Variants in SORCS1 observed in about 807,000 individuals in gnomAD.
The protein encoded by SORCS1 is sortilin related VPS10 domain containing receptor 1.
Under a neutral mutation model 146.1 loss-of-function variants are expected in SORCS1, and 60 were observed. That is an observed-to-expected ratio of 0.41 (90% CI 0.33 to 0.51). SORCS1 has a LOEUF of 0.51. Ranked by LOEUF, SORCS1 falls within the 20% of genes least tolerant of loss-of-function variation. The pLI is 0.21. For synonymous variants in SORCS1, 637 were observed against 584.0 expected, an observed-to-expected ratio of 1.09 and a Z score of -1.31; for missense variants, 1,352 against 1,487.6, an observed-to-expected ratio of 0.91 and a Z score of 1.50.
chr10:106,970,572 T>C (rs1955734378), intron 1 of SORCS1, among the ~76,000 whole-genome samples: 1 of 151,734 alleles, frequency 6.6e-6, no homozygotes, highest in South Asian at 2.1e-4. Context: ...GGACTCCTGA[T>C]CTCAGGTGAT....
chr10:106,878,768 A>G (rs1950701241), intron 2 of SORCS1, among the ~76,000 whole-genome samples: 2 of 150,858 alleles, frequency 1.3e-5, no homozygotes, highest in South Asian at 2.1e-4. Context: ...TTACATATAA[A>G]AATTTCTAGG....
At chr10:107,131,286 C>G (rs1010518406) in intron 1 of SORCS1, among the ~76,000 whole-genome samples, 25 of 152,196 alleles carry the variant, frequency 1.6e-4, no homozygotes, top group African/African-American at 6.0e-4. Context: ...CTGCCTTATC[C>G]TCTGACCCAA....
chr10:107,021,239 G>A (rs141388774), intron 1 of SORCS1, among the ~76,000 whole-genome samples: 53 of 152,124 alleles, frequency 3.5e-4, no homozygotes, highest in African/African-American at 1.2e-3. Context: ...TTGGCCAGGC[G>A]TGGTGGCTCA....
intron 1 of SORCS1, among the ~76,000 whole-genome samples, chr10:107,069,159 G>C (rs1023196891): frequency 6.6e-6 from 1 of 152,154 alleles, no homozygotes; most frequent in African/African-American, 2.4e-5. Flanking sequence ...GTCCAGAGGA[G>C]TGCAGCATCC....
intron 21 of SORCS1, among the ~76,000 whole-genome samples, chr10:106,614,403 G>A (rs948339578): frequency 1.3e-5 from 2 of 152,128 alleles, no homozygotes; most frequent in Non-Finnish European, 1.5e-5. Flanking sequence ...CGAAGACTCT[G>A]ACTTTATAAG....
chr10:107,083,307 A>G (rs1464219535), intron 1 of SORCS1, among the ~76,000 whole-genome samples: 1 of 152,132 alleles, frequency 6.6e-6, no homozygotes, highest in Non-Finnish European at 1.5e-5. Flanking sequence ...GCAACATCCT[A>G]TGAGGTAAAA....
At chr10:106,596,694 G>A (rs924013154) in intron 24 of SORCS1, among the ~76,000 whole-genome samples, 1 of 152,102 alleles carries the variant, frequency 6.6e-6, no homozygotes, top group Admixed American at 6.5e-5. Context: ...GAAACGTAAA[G>A]AAAGAAAATT....
chr10:106,672,788 C>T, intron 15 of SORCS1, 80 bp downstream of exon 15: 1 of 1,224,478 alleles, frequency 8.2e-7, no homozygotes, highest in Non-Finnish European at 1.2e-6. Flanking sequence ...ATCCTAGTTC[C>T]TATACCTTAG....
chr10:106,752,138 A>G (rs1324343119), intron 5 of SORCS1, among the ~76,000 whole-genome samples: 1 of 152,220 alleles, frequency 6.6e-6, no homozygotes, highest in East Asian at 1.9e-4. Context: ...ACACCTGAAT[A>G]TGTTCATCCT....
chr10:106,833,137 C>T (rs1435284788), intron 2 of SORCS1, among the ~76,000 whole-genome samples: 2 of 152,090 alleles, frequency 1.3e-5, no homozygotes, highest in African/African-American at 2.4e-5. Flanking sequence ...TATTATTGGA[C>T]ATTTTTATCT....
chr10:106,629,581 C>T (rs923376645), intron 18 of SORCS1, among the ~76,000 whole-genome samples, 193 bp from the exon 19 acceptor site: 6 of 152,138 alleles, frequency 3.9e-5, no homozygotes, highest in Admixed American at 1.3e-4. Context: ...GAGTTTGCTA[C>T]GATGGATACA....
At chr10:107,078,793 T>C (rs1329320189) in intron 1 of SORCS1, among the ~76,000 whole-genome samples, 1 of 152,244 alleles carries the variant, frequency 6.6e-6, no homozygotes, top group Non-Finnish European at 1.5e-5. Context: ...GGCCACTTAC[T>C]GTTTCACTGT....
At chr10:106,776,465 T>C (rs1396687337) in intron 4 of SORCS1, 69 bp downstream of exon 4, 4 of 1,573,972 alleles carry the variant, frequency 2.5e-6, no homozygotes, top group South Asian at 1.2e-5. Flanking sequence ...AATGGAGAGA[T>C]GATTAAATTA....
rs764376054 is a variant in SORCS1, at chr10:106,986,413, C to G, written c.559-29833G>C. 1.1e-4 allele frequency among the ~76,000 whole-genome samples: 17 copies of G among 151,952 alleles called. 1 individual carries two copies. Among genetic ancestry groups the G allele is most frequent in the Non-Finnish European group, 2.2e-4 (15 of 67,992 alleles). Reference sequence around the variant, plus strand: ...ATAAAGGAAACCATACTTAGCCATACCATAGTCAAACTGCTAAAATATTCA... The same window carrying G: ...ATAAAGGAAACCATACTTAGCCATAGCATAGTCAAACTGCTAAAATATTCA... On this transcript the variant is annotated intron_variant, in intron 1 of 25. Transcript: ENST00000263054.
At chr10:107,154,227 TC>T (rs1178637455) in intron 1 of SORCS1, among the ~76,000 whole-genome samples, 70 of 152,172 alleles carry the variant, frequency 4.6e-4, no homozygotes, top group African/African-American at 1.4e-3. Flanking sequence ...GGCTTCAAAC[TC>T]CTGACCTCAA....
intron 1 of SORCS1, among the ~76,000 whole-genome samples, chr10:107,154,008 C>CTTTTTTTTTTTTTTTTTTT (rs71025579): frequency 1.1e-5 from 1 of 94,036 alleles, no homozygotes; most frequent in Non-Finnish European, 2.1e-5. Context: ...CTTTTCTTTT[C>CTTTTTTTTTTTTTTTTTTT]TTTTTTTTTT....
chr10:106,995,203 A>G (rs998360974), intron 1 of SORCS1, among the ~76,000 whole-genome samples: 1 of 151,696 alleles, frequency 6.6e-6, no homozygotes, highest in Non-Finnish European at 1.5e-5. Context: ...AGTCCCAGCT[A>G]CTCGGGAGGC....
chr10:106,954,942 G>A (rs779533265), intron 2 of SORCS1, among the ~76,000 whole-genome samples: 10 of 152,354 alleles, frequency 6.6e-5, no homozygotes, highest in East Asian at 1.9e-4. Flanking sequence ...CCAACAGCGA[G>A]TGAGAAAGGA....
At chr10:106,682,344 C>T (rs1852502747) in intron 10 of SORCS1, among the ~76,000 whole-genome samples, 1 of 152,058 alleles carries the variant, frequency 6.6e-6, no homozygotes, top group African/African-American at 2.4e-5. Context: ...ACTTTTTTCT[C>T]CACTCTCACA....
Sources: allele counts gnomAD v4.1 joint callset (sites outside exome capture counted in the v4.1 genomes callset), GRCh38; gene constraint gnomAD v4.1.1; transcripts MANE v1.5; gene names NCBI Gene and HGNC (gene_info 2026-07-23, HGNC 2026-07-21).